The following RBM47 variants were observed in gnomAD, a reference collection of about 807,000 sequenced individuals.
RBM47 encodes RNA-binding protein 47.
Under a neutral mutation model 47.1 loss-of-function variants are expected in RBM47, and 21 were observed. The observed-to-expected ratio is 0.45, with a 90% CI of 0.32 to 0.64. RBM47 has a LOEUF of 0.64. Among genes scored for constraint, RBM47 ranks in the 30% least tolerant of loss-of-function variants. RBM47 has a pLI of 0.05. For missense variants in RBM47, 708 were observed against 870.9 expected (o/e 0.81, Z 2.35); for synonymous variants, 375 against 361.7 (o/e 1.04, Z -0.42).
At chr4:40,516,814 G>A (rs1329337502) in intron 2 of RBM47, among the ~76,000 whole-genome samples, 1 of 152,230 alleles carries the variant, frequency 6.6e-6, no homozygotes, top group East Asian at 1.9e-4. Flanking sequence ...GGTCTAACCT[G>A]CTCTCCCCGC....
rs543716633 is a variant in RBM47, at chr4:40,424,833, G to A, written c.*1071C>T. On this transcript the variant is annotated 3_prime_UTR_variant, in exon 7 of 7. Transcript: ENST00000295971. ...CCCTACAAACTCATACTTCAAAAAT[G>A]AATAAAAGCATTAGAAATGGCATTA... 6.6e-6 allele frequency: 1 copy of A among 152,160 alleles called. No individual in the cohort carries two copies. Among genetic ancestry groups the A allele is most frequent in the African/African-American group, 2.4e-5 (1 of 41,502 alleles). 9.4% of individuals were successfully genotyped at this position (152,160 alleles called of 1,614,324 possible).
At chr4:40,618,442 A>G (rs1736940379) in intron 1 of RBM47, among the ~76,000 whole-genome samples, 1 of 152,040 alleles carries the variant, frequency 6.6e-6, no homozygotes, top group Admixed American at 6.6e-5. Context: ...ATAAAATAAG[A>G]AATACTTTTC....
At chr4:40,474,460 A>G (rs970438055) in intron 2 of RBM47, among the ~76,000 whole-genome samples, 4 of 152,196 alleles carry the variant, frequency 2.6e-5, no homozygotes, top group Non-Finnish European at 5.9e-5. Flanking sequence ...AATCTAATAC[A>G]AGTATACAAT....
intron 1 of RBM47, among the ~76,000 whole-genome samples, chr4:40,545,771 G>A (rs1728989366): frequency 6.6e-6 from 1 of 151,878 alleles, no homozygotes; most frequent in Non-Finnish European, 1.5e-5. Flanking sequence ...GAAGCTCACA[G>A]GTTTGACCAG....
In RBM47 at chr4:40,441,304, G is replaced by T. The variant is rs1375967941; in HGVS notation, c.-31-2380C>A. Among the ~76,000 whole-genome samples the T allele has an allele frequency of 6.0e-5, 9 of 149,896 alleles. No homozygotes were observed. In the South Asian group the frequency reaches 1.7e-3, roughly 28 times the overall value. ...AAAAAAAGATCCCAATTAAAATAGA[G>T]ATAGAGTCTCACTATGTTACCCCAG... On this transcript the variant is annotated intron_variant, in intron 3 of 6. Transcript: ENST00000295971.
chr4:40,516,613 G>C (rs1725610002), intron 2 of RBM47, among the ~76,000 whole-genome samples: 1 of 152,136 alleles, frequency 6.6e-6, no homozygotes, highest in Non-Finnish European at 1.5e-5. Context: ...ACACAACCCA[G>C]TGCATGGTTT....
intron 1 of RBM47, among the ~76,000 whole-genome samples, chr4:40,565,618 T>A (rs1285153710): frequency 6.6e-6 from 1 of 152,168 alleles, no homozygotes; most frequent in East Asian, 1.9e-4. Flanking sequence ...TCCGTGACAA[T>A]CCATCTGTGT....
intron 2 of RBM47, among the ~76,000 whole-genome samples, chr4:40,524,871 A>G (rs1390374710): frequency 1.3e-5 from 2 of 152,210 alleles, no homozygotes; most frequent in Non-Finnish European, 2.9e-5. Context: ...AATTTATCCA[A>G]ATGAATCTGT....
At chr4:40,486,069 C>CAA (rs201408070) in intron 2 of RBM47, among the ~76,000 whole-genome samples, 1,450 of 62,672 alleles carry the variant, frequency 0.023, 140 homozygotes, top group East Asian at 0.059. Flanking sequence ...AACCCTGTTT[C>CAA]AAAAAAAAAA....
intron 3 of RBM47, among the ~76,000 whole-genome samples, chr4:40,447,838 A>G (rs1352808403): frequency 6.6e-6 from 1 of 152,086 alleles, no homozygotes; most frequent in Non-Finnish European, 1.5e-5. Context: ...GTGAAACCCC[A>G]TCTCTACTAA....
intron 1 of RBM47, among the ~76,000 whole-genome samples, chr4:40,571,599 C>T (rs1731716103): frequency 6.6e-6 from 1 of 151,950 alleles, no homozygotes; most frequent in Non-Finnish European, 1.5e-5. Flanking sequence ...GACAATTCAA[C>T]TACATAAAAT....
At chr4:40,450,031 G>A (rs1281343207) in intron 3 of RBM47, among the ~76,000 whole-genome samples, 1 of 152,150 alleles carries the variant, frequency 6.6e-6, no homozygotes, top group Non-Finnish European at 1.5e-5. Flanking sequence ...AAAGGTTGAT[G>A]GGGTAATGCT....
chr4:40,585,567 T>C (rs966867592), intron 1 of RBM47, among the ~76,000 whole-genome samples: 2 of 152,210 alleles, frequency 1.3e-5, no homozygotes, highest in African/African-American at 2.4e-5. Context: ...CTAGCAGCCT[T>C]GATTAGCCAG....
At chr4:40,556,117 C>T (rs968036011) in intron 1 of RBM47, among the ~76,000 whole-genome samples, 1 of 151,028 alleles carries the variant, frequency 6.6e-6, no homozygotes, top group African/African-American at 2.4e-5. Flanking sequence ...CTCACTGCAA[C>T]CTCTGCCTCC....
chr4:40,570,476 G>A (rs948221756), intron 1 of RBM47, among the ~76,000 whole-genome samples: 2 of 151,900 alleles, frequency 1.3e-5, no homozygotes, highest in Non-Finnish European at 2.9e-5. Flanking sequence ...ACTGATCTGC[G>A]AGGAATCAGA....
intron 2 of RBM47, among the ~76,000 whole-genome samples, chr4:40,538,755 G>C (rs1226590767): frequency 6.6e-6 from 1 of 151,980 alleles, no homozygotes; most frequent in African/African-American, 2.4e-5. Context: ...TCCTGCCTCA[G>C]CCCAAGTAGC....
At chr4:40,492,268 G>A (rs1457253460) in intron 2 of RBM47, among the ~76,000 whole-genome samples, 1 of 152,024 alleles carries the variant, frequency 6.6e-6, no homozygotes, top group Non-Finnish European at 1.5e-5. Flanking sequence ...TACTTCGGAG[G>A]CTGAGGTGGG....
intron 1 of RBM47, among the ~76,000 whole-genome samples, chr4:40,569,268 G>C (rs1049344447): frequency 6.6e-6 from 1 of 151,824 alleles, no homozygotes; most frequent in Non-Finnish European, 1.5e-5. Flanking sequence ...AAACAACTAC[G>C]CTTATTATAC....
At chr4:40,504,387 T>C (rs1723812665) in intron 2 of RBM47, among the ~76,000 whole-genome samples, 1 of 151,398 alleles carries the variant, frequency 6.6e-6, no homozygotes, top group Non-Finnish European at 1.5e-5. Flanking sequence ...ACCTCCCAGG[T>C]TCAAGAAATT....
Sources: allele counts gnomAD v4.1 joint callset (sites outside exome capture counted in the v4.1 genomes callset), GRCh38; gene constraint gnomAD v4.1.1; transcripts MANE v1.5; gene names NCBI Gene and HGNC (gene_info 2026-07-23, HGNC 2026-07-21).